ADAMTS20: variants seen among roughly 807,000 people sequenced by gnomAD.
The protein encoded by ADAMTS20 is A disintegrin and metalloproteinase with thrombospondin motifs 20.
In ADAMTS20, 225 loss-of-function variants were observed where a neutral mutation model predicts 260.1. The ratio of observed to expected loss-of-function variants is 0.87; its 90% CI spans 0.78 to 0.97. The LOEUF is 0.97. Among genes scored for constraint, ADAMTS20 ranks in the 50% least tolerant of loss-of-function variants. The probability of loss-of-function intolerance (pLI) is 0.00; values close to 1 mark genes in which losing one functional copy is unlikely to be tolerated. For synonymous variants in ADAMTS20, 802 were observed against 769.5 expected (o/e 1.04, Z -0.70); for missense variants, 2,400 against 2,337.7 (o/e 1.03, Z -0.55).
At chr12:43,421,428 T>C (rs1465705243) in intron 28 of ADAMTS20, among the ~76,000 whole-genome samples, 5 of 152,084 alleles carry the variant, frequency 3.3e-5, no homozygotes, top group South Asian at 4.1e-4. Flanking sequence ...GTTTACCAAA[T>C]ATGATTTCAT....
chr12:43,372,445 A>G (rs1435341169), intron 36 of ADAMTS20, among the ~76,000 whole-genome samples: 1 of 152,188 alleles, frequency 6.6e-6, no homozygotes, highest in Non-Finnish European at 1.5e-5. Context: ...TGGAAGTGAC[A>G]TGAATAAGAG....
At chr12:43,399,354 G>A in intron 28 of ADAMTS20, 121 bp from the exon 29 acceptor site, 1 of 870,386 alleles carries the variant, frequency 1.1e-6, no homozygotes, top group Non-Finnish European at 1.6e-6. Context: ...ATGAAGATAT[G>A]CTCTAGTATT....
intron 36 of ADAMTS20, among the ~76,000 whole-genome samples, chr12:43,371,415 C>T (rs1356783437): frequency 6.6e-6 from 1 of 152,002 alleles, no homozygotes; most frequent in East Asian, 1.9e-4. Flanking sequence ...AAACAGAGGC[C>T]AATGGAACCT....
chr12:43,495,666 T>C (rs1489805189), intron 4 of ADAMTS20, among the ~76,000 whole-genome samples: 12 of 152,180 alleles, frequency 7.9e-5, no homozygotes, highest in Non-Finnish European at 1.8e-4. Context: ...TCAAACCCTG[T>C]GTTGCTTACT....
At chr12:43,490,020 C>T (rs1054613421) in intron 7 of ADAMTS20, among the ~76,000 whole-genome samples, 1 of 152,004 alleles carries the variant, frequency 6.6e-6, no homozygotes, top group African/African-American at 2.4e-5. Context: ...TTGGCTACCT[C>T]ATGGGGAAAA....
At chr12:43,467,857 A>G (rs549058428) in intron 8 of ADAMTS20, among the ~76,000 whole-genome samples, 6 of 152,274 alleles carry the variant, frequency 3.9e-5, no homozygotes, top group African/African-American at 1.2e-4. Flanking sequence ...CATGACTAGG[A>G]AATTAAATGT....
chr12:43,548,898 A>G (rs1054895276), intron 2 of ADAMTS20, among the ~76,000 whole-genome samples: 1 of 152,062 alleles, frequency 6.6e-6, no homozygotes, highest in African/African-American at 2.4e-5. Context: ...TACTTCTGAT[A>G]ATATCAATAA....
At chr12:43,419,429 T>A (rs1214005010) in intron 28 of ADAMTS20, among the ~76,000 whole-genome samples, 1 of 152,150 alleles carries the variant, frequency 6.6e-6, no homozygotes, top group Non-Finnish European at 1.5e-5. Context: ...AAAGTTTCTA[T>A]AACAAAAATT....
At chr12:43,391,863 T>C (rs1940603529) in intron 29 of ADAMTS20, among the ~76,000 whole-genome samples, 1 of 152,194 alleles carries the variant, frequency 6.6e-6, no homozygotes, top group Non-Finnish European at 1.5e-5. Flanking sequence ...TCTCATAAAC[T>C]GTGTCAACAT....
chr12:43,536,281 T>C (rs188557567), intron 2 of ADAMTS20, among the ~76,000 whole-genome samples: 1 of 152,274 alleles, frequency 6.6e-6, no homozygotes, highest in East Asian at 1.9e-4. Context: ...TCACAATTCA[T>C]GCCTTAATTC....
At chr12:43,509,217 G>A (rs1942889232) in intron 3 of ADAMTS20, among the ~76,000 whole-genome samples, 1 of 152,014 alleles carries the variant, frequency 6.6e-6, no homozygotes, top group Non-Finnish European at 1.5e-5. Context: ...ATGAATATAT[G>A]TGTGCATTTA....
At chr12:43,490,127 T>C (rs1227940561) in intron 7 of ADAMTS20, among the ~76,000 whole-genome samples, 1 of 152,046 alleles carries the variant, frequency 6.6e-6, no homozygotes, top group Non-Finnish European at 1.5e-5. Flanking sequence ...TTCATTTTAT[T>C]ATTTCCCTTT....
intron 11 of ADAMTS20, among the ~76,000 whole-genome samples, chr12:43,460,975 TATATA>T (rs1942049039): frequency 2.0e-5 from 1 of 49,976 alleles, no homozygotes; most frequent in African/African-American, 7.1e-5. Context: ...TATATATATA[TATATA>T]TATATATATT....
At chr12:43,503,470 G>C (rs1327537563) in intron 3 of ADAMTS20, among the ~76,000 whole-genome samples, 8 of 151,958 alleles carry the variant, frequency 5.3e-5, no homozygotes, top group Non-Finnish European at 8.8e-5. Flanking sequence ...TCCTATGGCT[G>C]TAAGAAAGAA....
chr12:43,445,876 G>T (rs1402729028), intron 15 of ADAMTS20, among the ~76,000 whole-genome samples: 1 of 151,904 alleles, frequency 6.6e-6, no homozygotes, highest in Non-Finnish European at 1.5e-5. Context: ...AATAAATAAG[G>T]TTGTAAGAAA....
intron 13 of ADAMTS20, 29 bp from the exon 14 acceptor site, chr12:43,452,439 A>C (rs1941883199): frequency 6.2e-7 from 1 of 1,604,838 alleles, no homozygotes; most frequent in African/African-American, 1.3e-5. Context: ...TCAAATTTTT[A>C]ATGTATAATA....
intron 3 of ADAMTS20, among the ~76,000 whole-genome samples, chr12:43,506,158 C>CAA (rs61024820): frequency 1.8e-4 from 27 of 151,400 alleles, no homozygotes; most frequent in African/African-American, 5.8e-4. Flanking sequence ...ACAACAACAA[C>CAA]AAAGGAAGGA....
chr12:43,552,167 A>C lies in ADAMTS20; in HGVS notation c.-246T>G, dbSNP rs934284657. 1.3e-5 allele frequency among the ~76,000 whole-genome samples: 2 copies of C among 152,184 alleles called. No individual in the cohort carries two copies. The highest frequency in any genetic ancestry group is 6.5e-5 in the Admixed American group (1 of 15,288). On this transcript the variant is annotated 5_prime_UTR_variant, in exon 1 of 39. Transcript: ENST00000389420. ...CTTCCTGCGCCCGCGCTGCCCTCAG[A>C]AACTCTCTGCTCAGGTTCAGCTCGG...
At chr12:43,412,296 A>C (rs1298120939) in intron 28 of ADAMTS20, among the ~76,000 whole-genome samples, 1 of 152,232 alleles carries the variant, frequency 6.6e-6, no homozygotes, top group Non-Finnish European at 1.5e-5. Flanking sequence ...CTTACTCTTC[A>C]GTAGAGAGAA....
Sources: gnomAD v4.1 joint callset for allele counts (sites outside exome capture counted in the v4.1 genomes callset) on GRCh38, gnomAD v4.1.1 for gene constraint, MANE v1.5 for transcripts, NCBI Gene and HGNC (gene_info 2026-07-23, HGNC 2026-07-21) for gene names.